Variants in IL1RAPL1 observed in about 807,000 individuals in gnomAD.
IL1RAPL1 encodes interleukin-1 receptor accessory protein-like 1.
A neutral mutation model predicts 48.4 loss-of-function variants in IL1RAPL1; 3 were observed. The observed-to-expected ratio is 0.06, with a 90% CI of 0.03 to 0.16. The LOEUF is 0.16. Ranked by LOEUF, IL1RAPL1 falls within the 10% of genes least tolerant of loss-of-function variation. IL1RAPL1 has a pLI of 1.00. For synonymous variants in IL1RAPL1, 185 were observed against 187.7 expected, an observed-to-expected ratio of 0.99 and a Z score of 0.12; for missense variants, 349 against 530.6, an observed-to-expected ratio of 0.66 and a Z score of 3.36.
At chrX:28,899,675 C>T (rs1923024962) in intron 2 of IL1RAPL1, among the ~76,000 whole-genome samples, 1 of 111,475 alleles carries the variant, frequency 9.0e-6, no homozygotes, top group African/African-American at 3.3e-5. Flanking sequence ...ATTGCTAAGC[C>T]TGAGTTTTTA....
At chrX:29,459,413 A>G (rs1038464517) in intron 5 of IL1RAPL1, among the ~76,000 whole-genome samples, 7 of 111,690 alleles carry the variant, frequency 6.3e-5, no homozygotes, top group African/African-American at 2.3e-4. Context: ...AGACCATTAA[A>G]TAGTTTATAT....
At chrX:29,936,725 A>C (rs1305297560) in intron 8 of IL1RAPL1, among the ~76,000 whole-genome samples, 1 of 111,821 alleles carries the variant, frequency 8.9e-6, no homozygotes, top group Non-Finnish European at 1.9e-5. Flanking sequence ...AGTTTCCCAT[A>C]GTATACTAGG....
At chrX:28,897,911 G>A (rs1922972440) in intron 2 of IL1RAPL1, among the ~76,000 whole-genome samples, 1 of 111,142 alleles carries the variant, frequency 9.0e-6, no homozygotes. Context: ...GCAGGAGTGG[G>A]GGTCAGAAGG....
At chrX:29,543,115 T>TTCTCTCTCTCTCTCTCTCTC (rs59836290) in intron 5 of IL1RAPL1, among the ~76,000 whole-genome samples, 74 of 91,686 alleles carry the variant, frequency 8.1e-4, no homozygotes, top group African/African-American at 2.8e-3. Flanking sequence ...ATCTGTTCGT[T>TTCTCTCTCTCTCTCTCTCTC]TCTCTCTCTC....
intron 2 of IL1RAPL1, among the ~76,000 whole-genome samples, chrX:29,261,307 AATAAG>A (rs1931855056): frequency 9.0e-6 from 1 of 111,355 alleles, no homozygotes; most frequent in African/African-American, 3.3e-5. Flanking sequence ...TTATCTGATA[AATAAG>A]ATAATTTGTA....
chrX:29,080,984 CTTTCTTTCTT>C lies in IL1RAPL1; in HGVS notation c.83-201952_83-201943del, dbSNP rs1248096632. Among the ~76,000 whole-genome samples the C allele has an allele frequency of 9.9e-3, 418 of 42,288 alleles. 4 individuals carry two copies. The highest frequency in any genetic ancestry group is 0.017 in the African/African-American group (139 of 8,272). The allele number at this position is 42,288 out of a possible 115,157, so 36.7% of individuals were successfully genotyped here. ...TCTTTCTTTCTTTCTTTCTTTCTTTCTTTCTTTCTTTCTCTCTCTCTCTCTCTCTCTCTCT... is the reference window on the plus strand; with the variant it reads ...TCTTTCTTTCTTTCTTTCTTTCTTTCTCTCTCTCTCTCTCTCTCTCTCTCT... On this transcript the variant is annotated intron_variant, in intron 2 of 10. Transcript: ENST00000378993.
At chrX:29,562,830 A>T (rs1922281458) in intron 5 of IL1RAPL1, among the ~76,000 whole-genome samples, 2 of 112,068 alleles carry the variant, frequency 1.8e-5, no homozygotes, top group Non-Finnish European at 3.8e-5. Flanking sequence ...ATAAAAACAG[A>T]TAAAAAGGCT....
At chrX:29,591,309 T>A (rs944080662) in intron 5 of IL1RAPL1, among the ~76,000 whole-genome samples, 1 of 112,415 alleles carries the variant, frequency 8.9e-6, no homozygotes, top group African/African-American at 3.2e-5. Flanking sequence ...GAGGTGCCTG[T>A]AAATATGAAG....
intron 2 of IL1RAPL1, among the ~76,000 whole-genome samples, chrX:28,985,682 C>T (rs1189625351): frequency 7.1e-5 from 6 of 84,433 alleles, no homozygotes; most frequent in African/African-American, 9.6e-5. Flanking sequence ...TTTTTTGAGA[C>T]GGAGTCTCGC....
intron 5 of IL1RAPL1, among the ~76,000 whole-genome samples, chrX:29,469,809 T>C (rs1934902426): frequency 8.9e-6 from 1 of 112,033 alleles, no homozygotes; most frequent in Non-Finnish European, 1.9e-5. Context: ...AGAAGACATA[T>C]ACCATCTCTC....
At chrX:29,933,833 G>A (rs775558006) in intron 8 of IL1RAPL1, among the ~76,000 whole-genome samples, 7 of 110,861 alleles carry the variant, frequency 6.3e-5, no homozygotes, top group Non-Finnish European at 1.3e-4. Context: ...TGCAGCCACA[G>A]GTTTGTGACT....
chrX:29,951,904 G>A (rs1232868430), intron 9 of IL1RAPL1, among the ~76,000 whole-genome samples: 1 of 111,211 alleles, frequency 9.0e-6, no homozygotes, highest in Non-Finnish European at 1.9e-5. Context: ...CAGAAGTGAT[G>A]TTATGGAAGT....
chrX:28,865,534 C>G (rs776922429), intron 2 of IL1RAPL1, among the ~76,000 whole-genome samples: 1 of 111,005 alleles, frequency 9.0e-6, no homozygotes, highest in South Asian at 3.8e-4. Flanking sequence ...GGCAATTAAA[C>G]ATTGGAATCT....
At chrX:29,124,435 A>G (rs1198814806) in intron 2 of IL1RAPL1, among the ~76,000 whole-genome samples, 1 of 112,382 alleles carries the variant, frequency 8.9e-6, no homozygotes, top group African/African-American at 3.2e-5. Context: ...AAGATTTAGC[A>G]AAGAGTTAAC....
intron 2 of IL1RAPL1, among the ~76,000 whole-genome samples, chrX:29,086,789 G>A (rs1927962160): frequency 8.9e-6 from 1 of 112,009 alleles, no homozygotes; most frequent in South Asian, 3.7e-4. Context: ...TAAATAATAT[G>A]TAGGGAAAAT....
rs937570730 is a variant in IL1RAPL1, at chrX:28,931,808, C to T, written c.82+142383C>T. ...ATCCCAGCACTTTGGGAGGCCGAGG[C>T]GGGTGGATCACGAGGTCAGGAGATC... On this transcript the variant is annotated intron_variant, in intron 2 of 10. Transcript: ENST00000378993. Among the ~76,000 whole-genome samples the T allele has an allele frequency of 2.8e-4, 31 of 110,234 alleles. 1 individual carries two copies. The East Asian group carries it at 6.8e-3, about 24-fold the overall frequency.
intron 8 of IL1RAPL1, among the ~76,000 whole-genome samples, chrX:29,923,921 G>A (rs1932865476): frequency 9.0e-6 from 1 of 111,677 alleles, no homozygotes; most frequent in African/African-American, 3.3e-5. Flanking sequence ...CTCTCATTTT[G>A]AATGACCTCA....
chrX:29,902,100 G>A (rs1601874174), intron 6 of IL1RAPL1, among the ~76,000 whole-genome samples: 1 of 111,471 alleles, frequency 9.0e-6, no homozygotes, highest in Non-Finnish European at 1.9e-5. Flanking sequence ...TTTCTGAGTA[G>A]CCTTTTAGAG....
chrX:29,833,924 C>T (rs1245406881), intron 6 of IL1RAPL1, among the ~76,000 whole-genome samples: 1 of 112,043 alleles, frequency 8.9e-6, no homozygotes, highest in Non-Finnish European at 1.9e-5. Flanking sequence ...AATCTGAACT[C>T]TTTTCAGCTA....
Sources: gnomAD v4.1 joint callset for allele counts (sites outside exome capture counted in the v4.1 genomes callset) on GRCh38, gnomAD v4.1.1 for gene constraint, MANE v1.5 for transcripts, NCBI Gene and HGNC (gene_info 2026-07-23, HGNC 2026-07-21) for gene names.